METTL21A: variants seen among roughly 807,000 people sequenced by gnomAD.
METTL21A encodes the protein protein N-lysine methyltransferase METTL21A.
In METTL21A, 22 loss-of-function variants were observed where a neutral mutation model predicts 20.9. The ratio of observed to expected loss-of-function variants is 1.05; its 90% confidence interval spans 0.75 to 1.50. The LOEUF (loss-of-function observed/expected upper bound fraction) is 1.50, where lower values mean the gene tolerates loss of function less well. METTL21A is among the 40% of genes most tolerant of loss of function. METTL21A has a pLI of 0.00. For missense variants in METTL21A, 271 were observed against 266.8 expected, an observed-to-expected ratio of 1.02 and a Z score of -0.11; for synonymous variants, 93 against 102.0, an observed-to-expected ratio of 0.91 and a Z score of 0.53.
At chr2:207,606,056 C>G (rs945790732), downstream of METTL21A, among the ~76,000 whole-genome samples, 1 of 152,180 alleles carries the variant, frequency 6.6e-6, no homozygotes, top group Non-Finnish European at 1.5e-5. Context: ...TCAGAAATAA[C>G]TGTTCTTAGC....
intron 3 of METTL21A, chr2:207,620,932 C>A: frequency 2.8e-6 from 1 of 360,056 alleles, no homozygotes; most frequent in Non-Finnish European, 5.0e-6. Flanking sequence ...CCTTCCTACC[C>A]AAGTGTAGTC....
intron 3 of METTL21A, among the ~76,000 whole-genome samples, chr2:207,586,994 A>G (rs1428380045): frequency 6.6e-6 from 1 of 152,248 alleles, no homozygotes; most frequent in Non-Finnish European, 1.5e-5. Flanking sequence ...CTGATGATGC[A>G]GAGAAAGGTG....
intron 3 of METTL21A, among the ~76,000 whole-genome samples, chr2:207,619,700 G>A (rs2090247269): frequency 6.6e-6 from 1 of 152,078 alleles, no homozygotes. Flanking sequence ...AATGCTAATG[G>A]TAACTCTGGT....
intron 3 of METTL21A, chr2:207,600,889 G>A (rs2086931893): frequency 4.9e-6 from 1 of 202,622 alleles, no homozygotes; most frequent in Admixed American, 6.0e-5. Flanking sequence ...AAACCAGGAT[G>A]CTTTACTTAC....
At chr2:207,624,169 A>T in intron 2 of METTL21A, 60 bp downstream of exon 2, 1 of 1,510,986 alleles carries the variant, frequency 6.6e-7, no homozygotes, top group Non-Finnish European at 8.8e-7. Flanking sequence ...AAAAAAATAA[A>T]AAATAAAAGC....
At position 207,613,438 on chromosome 2, in the gene METTL21A, G is replaced by A. The variant is rs955143550; in HGVS notation, c.265C>T (p.His89Tyr). The A allele has an allele frequency of 5.7e-6, 9 of 1,584,616 alleles. No individual in the cohort carries two copies. In the African/African-American group the frequency reaches 9.4e-5, roughly 17 times the overall value. ...ACTTTTCGATCCGTGATAGTCACAT[G>A]AGCACCTACAATGTGGAACAAAGAA... is the stretch of plus-strand genomic sequence containing the variant. Residue 89 changes from histidine (H) to tyrosine (Y), a missense_variant, in exon 4 of 4, where the codon CAT (histidine) becomes TAT (tyrosine). His to Tyr is a moderately conservative substitution (Grantham distance 83). Transcript: ENST00000406927.
intron 3 of METTL21A, among the ~76,000 whole-genome samples, chr2:207,592,003 C>G (rs1433567538): frequency 6.6e-6 from 1 of 152,074 alleles, no homozygotes; most frequent in East Asian, 1.9e-4. Context: ...CTCAAAAACT[C>G]TTTTTTACAT....
intron 3 of METTL21A, among the ~76,000 whole-genome samples, chr2:207,618,037 C>T (rs554730527): frequency 6.6e-6 from 1 of 152,316 alleles, no homozygotes; most frequent in South Asian, 2.1e-4. Flanking sequence ...AGATATCCAG[C>T]TTTCAGTTAA....
At chr2:207,587,325 A>G (rs1377206336) in intron 3 of METTL21A, among the ~76,000 whole-genome samples, 1 of 151,478 alleles carries the variant, frequency 6.6e-6, no homozygotes, top group African/African-American at 2.4e-5. Flanking sequence ...CCCGGAAGGC[A>G]GAGCTTGCAG....
At chr2:207,620,844 G>T in intron 3 of METTL21A, 1 of 620,124 alleles carries the variant, frequency 1.6e-6, no homozygotes, top group Non-Finnish European at 2.7e-6. Context: ...AAACAGGCAG[G>T]ACAAAAGAGG....
chr2:207,602,848 G>T (rs2106636884), intron 3 of METTL21A: 1 of 218,392 alleles, frequency 4.6e-6, no homozygotes, highest in African/African-American at 2.2e-5. Flanking sequence ...TCCATGTAAA[G>T]TTGTCCTTGA....
At chr2:207,606,407 A>AGGAGGC (rs1218475065), downstream of METTL21A, among the ~76,000 whole-genome samples, 1 of 152,106 alleles carries the variant, frequency 6.6e-6, no homozygotes, top group African/African-American at 2.4e-5. Context: ...ACTTGAACCC[A>AGGAGGC]GGAGGCGGAG....
intron 3 of METTL21A, among the ~76,000 whole-genome samples, chr2:207,588,889 CG>C (rs34628133): frequency 7.0e-5 from 10 of 142,366 alleles, no homozygotes; most frequent in Admixed American, 2.9e-4. Context: ...GGAGCTTTGT[CG>C]GGGGGGGTGT....
intron 3 of METTL21A, among the ~76,000 whole-genome samples, chr2:207,588,136 C>CTTG (rs386392425): frequency 1.0e-4 from 1 of 9,858 alleles, no homozygotes; most frequent in African/African-American, 1.1e-4. Context: ...ATCACACAGA[C>CTTG]TTCGTTTTCC....
downstream of METTL21A, chr2:207,610,789 G>T (rs1211089618): frequency 3.1e-5 from 1 of 32,456 alleles, no homozygotes; most frequent in African/African-American, 1.3e-4. Flanking sequence ...CCGGGAGGGA[G>T]GTGGGGGGAT....
chr2:207,598,354 C>A (rs1487950272), intron 3 of METTL21A: 3 of 183,512 alleles, frequency 1.6e-5, no homozygotes, highest in Admixed American at 1.2e-4. Context: ...TGCTGTATAG[C>A]CTTTGTCATT....
intron 3 of METTL21A, chr2:207,598,320 T>C (rs1157249461): frequency 5.4e-6 from 1 of 184,012 alleles, no homozygotes; most frequent in Non-Finnish European, 1.2e-5. Context: ...GAGTAGTTAT[T>C]AGTTCTGCTT....
intron 3 of METTL21A, among the ~76,000 whole-genome samples, chr2:207,590,981 A>G (rs956282476): frequency 2.0e-5 from 3 of 152,112 alleles, no homozygotes; most frequent in Admixed American, 6.5e-5. Context: ...TTTTTGACCT[A>G]TAGACTTAGA....
chr2:207,592,787 C>T (rs986947805), intron 3 of METTL21A, among the ~76,000 whole-genome samples: 4 of 151,980 alleles, frequency 2.6e-5, no homozygotes, highest in African/African-American at 4.8e-5. Context: ...GCCATGGTGG[C>T]GCATGCCTGT....
Sources: gnomAD v4.1 joint callset for allele counts (sites outside exome capture counted in the v4.1 genomes callset) on GRCh38, gnomAD v4.1.1 for gene constraint, MANE v1.5 for transcripts, NCBI Gene and HGNC (gene_info 2026-07-23, HGNC 2026-07-21) for gene names.